SMYD2: variants seen among roughly 807,000 people sequenced by gnomAD.
The protein encoded by SMYD2 is N-lysine methyltransferase SMYD2.
SMYD2 carries 53 observed loss-of-function variants against 59.1 expected under a neutral mutation model. The ratio of observed to expected loss-of-function variants is 0.90; its 90% CI spans 0.72 to 1.13. SMYD2 has a LOEUF of 1.13. Ranked by LOEUF, SMYD2 falls within the 50% of genes most tolerant of loss-of-function variation. SMYD2 has a pLI of 0.00. For missense variants in SMYD2, 494 were observed against 544.7 expected (o/e 0.91, Z 0.93); for synonymous variants, 208 against 198.8 (o/e 1.05, Z -0.39).
At chr1:214,336,568 G>T in intron 11 of SMYD2, 136 bp from the exon 12 acceptor site, 1 of 615,086 alleles carries the variant, frequency 1.6e-6, no homozygotes, top group Non-Finnish European at 2.8e-6. Flanking sequence ...AACAGGTCCT[G>T]GTGGAGAACA....
At chr1:214,327,466 C>A in intron 6 of SMYD2, 156 bp from the exon 7 acceptor site, 1 of 606,342 alleles carries the variant, frequency 1.6e-6, no homozygotes, top group South Asian at 1.9e-5. Context: ...TCAGTGCATG[C>A]AGAACAACCT....
In SMYD2 at chr1:214,281,952, C is replaced by T. The variant is rs571154635; in HGVS notation, c.173+525C>T. Among the ~76,000 whole-genome samples the T allele has an allele frequency of 4.6e-5, 7 of 152,298 alleles. No homozygotes were observed. In the East Asian group the frequency reaches 1.2e-3, roughly 25 times the overall value. On this transcript the variant is annotated intron_variant, in intron 1 of 11. Transcript: ENST00000366957. ...TAAAGTACGCTTACATGTTAAAGTA[C>T]GCTTACATGGGTGTTTGGAGGGACG... is the stretch of plus-strand genomic sequence containing the variant.
chr1:214,320,748 G>A (rs970678340), intron 5 of SMYD2, among the ~76,000 whole-genome samples: 1 of 152,184 alleles, frequency 6.6e-6, no homozygotes, highest in African/African-American at 2.4e-5. Flanking sequence ...TCAGTTATGT[G>A]ACTGTCATAA....
intron 2 of SMYD2, among the ~76,000 whole-genome samples, chr1:214,306,898 C>T (rs1037392464): frequency 3.9e-5 from 6 of 152,154 alleles, no homozygotes; most frequent in African/African-American, 4.8e-5. Flanking sequence ...TGGCTGGGCG[C>T]GGTGGCTCAT....
At position 214,299,470 on chromosome 1, in the gene SMYD2, T is replaced by C. The variant is rs1238762038; in HGVS notation, c.174-5717T>C. ...TGAACTGGATAAAGAAAACATTATA[T>C]ATATATATATATACACCATAGAATA... On this transcript the variant is annotated intron_variant, in intron 1 of 11. Transcript: ENST00000366957. Among the ~76,000 whole-genome samples, 3 of 67,716 alleles carry C rather than the reference T, an allele frequency of 4.4e-5. No individual in the cohort carries two copies. The South Asian group carries it at 1.3e-3, about 29-fold the overall frequency. The allele number at this position is 67,716 out of a possible 152,430, so 44.4% of individuals were successfully genotyped here.
chr1:214,333,833 C>T (rs1414174860), intron 10 of SMYD2: 1 of 191,554 alleles, frequency 5.2e-6, no homozygotes, highest in Non-Finnish European at 1.1e-5. Flanking sequence ...TAATTGCTGC[C>T]TTCATAAATG....
rs12124666 is a variant in SMYD2 at position 214,318,618 on chromosome 1, C to T, written c.410-241C>T. Among the ~76,000 whole-genome samples, 136,915 of 152,196 alleles carry T rather than the reference C, an allele frequency of 0.9. 62,151 individuals are homozygous for T. The highest frequency in any genetic ancestry group is 0.98 in the African/African-American group (40,774 of 41,572). Reference sequence around the variant, plus strand: ...TTGCTAACAGTCAGTCGAAATCTCACGTCCCAAGTGACTTCTAGTCATCAG... The same window carrying T: ...TTGCTAACAGTCAGTCGAAATCTCATGTCCCAAGTGACTTCTAGTCATCAG... On this transcript the variant is annotated intron_variant, in intron 4 of 11. Coordinates refer to ENST00000366957, the MANE Select transcript of SMYD2 (RefSeq NM_020197.3). The surrounding 1 kb of genome is among the most constrained non-coding windows in gnomAD (Gnocchi z 5.4).
intron 3 of SMYD2, among the ~76,000 whole-genome samples, chr1:214,317,810 G>T (rs187470179): frequency 1.3e-5 from 2 of 152,222 alleles, no homozygotes; most frequent in Admixed American, 6.5e-5. Context: ...TTCCGGCCCT[G>T]TTCTTTCCCG....
chr1:214,304,068 A>G (rs1193422045), intron 1 of SMYD2, among the ~76,000 whole-genome samples: 1 of 152,252 alleles, frequency 6.6e-6, no homozygotes, highest in African/African-American at 2.4e-5. Context: ...GCTTTGGTTC[A>G]TCTCACACAA....
chr1:214,312,325 T>G lies in SMYD2; in HGVS notation c.238-2437T>G, dbSNP rs142578296. On this transcript the variant is annotated intron_variant, in intron 2 of 11. Coordinates refer to ENST00000366957, the MANE Select transcript of SMYD2 (RefSeq NM_020197.3). The surrounding 1 kb of genome is among the most constrained non-coding windows in gnomAD (Gnocchi z 4.1). ...ATCTTCATTCCTTCAACAACTATATTGAGTGCCTACTAAATGCCAGGCACT... is the reference window on the plus strand; with the variant it reads ...ATCTTCATTCCTTCAACAACTATATGGAGTGCCTACTAAATGCCAGGCACT... Among the ~76,000 whole-genome samples, 11 of 152,272 alleles carry G rather than the reference T, an allele frequency of 7.2e-5. No individual in the cohort carries two copies. The East Asian group carries it at 2.1e-3, about 29-fold the overall frequency.
intron 1 of SMYD2, among the ~76,000 whole-genome samples, chr1:214,298,329 G>T (rs946410865): frequency 6.6e-6 from 1 of 152,208 alleles, no homozygotes; most frequent in African/African-American, 2.4e-5. Context: ...AATAAATGGT[G>T]CTGGGATGAC....
chr1:214,301,580 T>TTA (rs1398655556), intron 1 of SMYD2, among the ~76,000 whole-genome samples: 38 of 152,172 alleles, frequency 2.5e-4, no homozygotes, highest in African/African-American at 8.4e-4. Flanking sequence ...ATTGAGAAGC[T>TTA]GTCAAGCTTA....
chr1:214,281,798 A>C (rs936684668), intron 1 of SMYD2, among the ~76,000 whole-genome samples: 4 of 152,228 alleles, frequency 2.6e-5, no homozygotes, highest in Admixed American at 6.5e-5. Context: ...GCGGAGCCCC[A>C]AATTTGGGCA....
intron 3 of SMYD2, among the ~76,000 whole-genome samples, 161 bp downstream of exon 3, chr1:214,315,033 C>T (rs1186265025): frequency 1.3e-5 from 2 of 152,184 alleles, no homozygotes; most frequent in Non-Finnish European, 2.9e-5. Flanking sequence ...ATACTCCAGG[C>T]ATAATCTAGT....
At chr1:214,282,806 G>GT (rs1482322868) in intron 1 of SMYD2, among the ~76,000 whole-genome samples, 1 of 152,118 alleles carries the variant, frequency 6.6e-6, no homozygotes, top group East Asian at 1.9e-4. Flanking sequence ...GAGCTAAAGG[G>GT]TCATGGCACC....
chr1:214,289,493 A>G (rs764519347), intron 1 of SMYD2, among the ~76,000 whole-genome samples: 2 of 152,208 alleles, frequency 1.3e-5, no homozygotes, highest in Non-Finnish European at 2.9e-5. Context: ...CCTCAGATGT[A>G]GTTGAGGTAA....
chr1:214,332,301 G>T, intron 10 of SMYD2, 109 bp downstream of exon 10: 1 of 1,307,044 alleles, frequency 7.7e-7, no homozygotes, highest in South Asian at 1.5e-5. Context: ...TAGCGCAGCT[G>T]CCTCTTCTCT....
chr1:214,305,155 G>A, intron 1 of SMYD2, 32 bp from the exon 2 acceptor site: 1 of 1,602,130 alleles, frequency 6.2e-7, no homozygotes, highest in Non-Finnish European at 8.6e-7. Context: ...TTCTGTGTCT[G>A]TCACCACTAC....
intron 2 of SMYD2, among the ~76,000 whole-genome samples, chr1:214,313,971 G>A (rs1657040406): frequency 6.6e-6 from 1 of 152,158 alleles, no homozygotes. Flanking sequence ...GAGGTTAAGA[G>A]ATCAAGACTA....
Sources: gnomAD v4.1 joint callset for allele counts (sites outside exome capture counted in the v4.1 genomes callset) on GRCh38, gnomAD v4.1.1 for gene constraint, Gnocchi (gnomAD v3.1) non-coding constraint, MANE v1.5 for transcripts, NCBI Gene and HGNC (gene_info 2026-07-23, HGNC 2026-07-21) for gene names.